ZBTB40: variants seen among roughly 807,000 people sequenced by gnomAD.
The protein encoded by ZBTB40 is zinc finger and BTB domain containing 40.
ZBTB40 carries 60 observed loss-of-function variants against 117.5 expected under a neutral mutation model. The ratio of observed to expected loss-of-function variants is 0.51; its 90% CI spans 0.41 to 0.63. The LOEUF (loss-of-function observed/expected upper bound fraction) is 0.63. ZBTB40 is among the 30% of genes least tolerant of loss of function. ZBTB40 has a pLI of 0.00. For synonymous variants in ZBTB40, 525 were observed against 577.1 expected (o/e 0.91, Z 1.29); for missense variants, 1,287 against 1,498.5 (o/e 0.86, Z 2.33).
chr1:22,451,535 C>T (rs556882853), upstream of ZBTB40, among the ~76,000 whole-genome samples: 2 of 151,938 alleles, frequency 1.3e-5, no homozygotes, highest in South Asian at 4.1e-4. Flanking sequence ...ATCCCAGCTA[C>T]TCGGGAGGCT....
chr1:22,469,921 A>G (rs969313010), intron 1 of ZBTB40, among the ~76,000 whole-genome samples: 17 of 152,196 alleles, frequency 1.1e-4, no homozygotes, highest in Admixed American at 3.3e-4. Context: ...TGACTTAAAG[A>G]TAGTTATTTT....
chr1:22,490,370 C>G lies in ZBTB40; in HGVS notation c.422C>G (p.Pro141Arg), dbSNP rs1173694206. 5 of 1,614,064 alleles carry G rather than the reference C, an allele frequency of 3.1e-6. No homozygotes were observed. Among genetic ancestry groups the G allele is most frequent in the Middle Eastern group, 3.3e-4 (2 of 6,062 alleles). ...APSSETFRKE[P>R]EKPQVEILSS... ...TCCTCAGAGACATTCAGAAAGGAAC[C>G]AGAGAAGCCTCAAGTAGAAATCCTT... The change falls in exon 2 of 18, where the codon CCA becomes CGA. Residue 141 changes from proline (P) to arginine (R), a missense_variant. By Grantham distance (103) the Pro-to-Arg change is moderately radical. This residue lies in a region of ZBTB40 where 870 missense variants were observed against 934.4 expected (regional missense o/e 0.93). Coordinates refer to ENST00000375647, the MANE Select transcript of ZBTB40 (RefSeq NM_014870.4).
At chr1:22,521,073 G>T (rs1328141441) in intron 14 of ZBTB40, among the ~76,000 whole-genome samples, 1 of 152,232 alleles carries the variant, frequency 6.6e-6, no homozygotes, top group East Asian at 1.9e-4. Flanking sequence ...CCAGCTCCCT[G>T]GGAAGCCGTG....
chr1:22,467,106 T>G (rs1156343628), intron 1 of ZBTB40, among the ~76,000 whole-genome samples: 3 of 152,200 alleles, frequency 2.0e-5, no homozygotes, highest in Non-Finnish European at 2.9e-5. Context: ...ATAGTGTACA[T>G]AAATATTTCA....
At chr1:22,459,869 G>T (rs185212121) in intron 1 of ZBTB40, among the ~76,000 whole-genome samples, 9 of 152,208 alleles carry the variant, frequency 5.9e-5, no homozygotes, top group South Asian at 2.1e-4. Context: ...AGCTACTTTG[G>T]TGATTTTTCA....
rs1024112582 is a variant in ZBTB40 at position 22,513,923 on chromosome 1, T to C, written c.2668+793T>C. Among the ~76,000 whole-genome samples the C allele has an allele frequency of 2.0e-5, 3 of 152,212 alleles. No individual in the cohort carries two copies. The highest frequency in any genetic ancestry group is 7.2e-5 in the African/African-American group (3 of 41,456). On this transcript the variant is annotated intron_variant, in intron 12 of 17. Transcript: ENST00000375647. This position sits in a 1 kb window ranked among gnomAD's most constrained non-coding sequence, Gnocchi z 4.9. Reference sequence around the variant, plus strand: ...AATTTACATAAAATTATTTGAGCTTTGAAGTCGAGTTCAAGCATGAGAAGG... The same window carrying C: ...AATTTACATAAAATTATTTGAGCTTCGAAGTCGAGTTCAAGCATGAGAAGG...
At chr1:22,431,378 G>GTATATA (rs1395264458) in intron 1 of ZBTB40, among the ~76,000 whole-genome samples, 12 of 17,324 alleles carry the variant, frequency 6.9e-4, no homozygotes, top group African/African-American at 1.2e-3. Context: ...GTGTGTGTGT[G>GTATATA]TGTGTGTATA....
intron 1 of ZBTB40, among the ~76,000 whole-genome samples, chr1:22,461,235 A>G (rs1641124839): frequency 6.6e-6 from 1 of 152,048 alleles, no homozygotes; most frequent in Non-Finnish European, 1.5e-5. Context: ...CTCTGCTGTC[A>G]GTTCTCCTCA....
At chr1:22,525,319 A>G (rs939675374) in intron 17 of ZBTB40, among the ~76,000 whole-genome samples, 117 of 152,320 alleles carry the variant, frequency 7.7e-4, no homozygotes, top group African/African-American at 2.5e-3. Context: ...GAAAACTACT[A>G]TCCTGGATCA....
intron 12 of ZBTB40, among the ~76,000 whole-genome samples, chr1:22,514,361 A>G (rs564337318): frequency 1.3e-5 from 2 of 152,334 alleles, no homozygotes; most frequent in Non-Finnish European, 2.9e-5. Context: ...AAATTCTTCA[A>G]TGGCTTTTTG....
At chr1:22,466,325 G>A (rs1234955399) in intron 1 of ZBTB40, among the ~76,000 whole-genome samples, 1 of 152,166 alleles carries the variant, frequency 6.6e-6, no homozygotes, top group Non-Finnish European at 1.5e-5. Flanking sequence ...TGGCCGTTAG[G>A]CTTAATGCTC....
At position 22,497,263 on chromosome 1, in the gene ZBTB40, A is replaced by G. The variant is rs186504140; in HGVS notation, c.832-4229A>G. Among the ~76,000 whole-genome samples, 160 of 152,306 alleles carry G rather than the reference A, an allele frequency of 1.1e-3. 1 individual carries two copies. The highest frequency in any genetic ancestry group is 3.5e-3 in the African/African-American group (146 of 41,556). ...AGAAGACTCCCAAAGCTGAAGACCT[A>G]GTAGCATTTTTTTCTCCTTCAACTT... On this transcript the variant is annotated intron_variant, in intron 3 of 17. Coordinates refer to ENST00000375647, the MANE Select transcript of ZBTB40 (RefSeq NM_014870.4).
chr1:22,451,808 T>A (rs1640876028), upstream of ZBTB40: 1 of 152,290 alleles, frequency 6.6e-6, no homozygotes, highest in Non-Finnish European at 1.5e-5. Flanking sequence ...CCCCAGCACG[T>A]GACCGCGGCG....
At chr1:22,462,784 C>G (rs1287711720) in intron 1 of ZBTB40, among the ~76,000 whole-genome samples, 1 of 152,220 alleles carries the variant, frequency 6.6e-6, no homozygotes, top group Non-Finnish European at 1.5e-5. Context: ...TCCCCACTTT[C>G]TCTCTTTCCT....
Position 22,529,630 on chromosome 1 carries a change from A to G in ZBTB40, c.*3234A>G, listed in dbSNP as rs1321548540. The stretch of plus-strand genomic sequence containing the variant: ...AGGGACCAGGGGTCTTTACTCATTT[A>G]TTTTATGGGTAAAGAGACATGAAGA... On this transcript the variant is annotated 3_prime_UTR_variant, in exon 18 of 18. Transcript: ENST00000375647. 6.6e-6 allele frequency: 1 copy of G among 152,222 alleles called. No individual in the cohort carries two copies. Among genetic ancestry groups the G allele is most frequent in the Non-Finnish European group, 1.5e-5 (1 of 68,014 alleles). 9.4% of individuals were successfully genotyped at this position (152,222 alleles called of 1,614,324 possible).
intron 3 of ZBTB40, among the ~76,000 whole-genome samples, chr1:22,492,275 A>G (rs918521825): frequency 2.0e-5 from 3 of 152,196 alleles, no homozygotes; most frequent in African/African-American, 4.8e-5. Flanking sequence ...GCATATATAT[A>G]TAAGTGCTTA....
rs143016431 is a variant in ZBTB40, at chr1:22,508,581, C to T, written c.1549C>T (p.Leu517=). The change falls in exon 8 of 18, where the codon CTG becomes TTG. Residue 517 remains leucine (L), a synonymous_variant. Coordinates refer to ENST00000375647, the MANE Select transcript of ZBTB40 (RefSeq NM_014870.4). ...RDSGSGGFNS[L]ISAVLEKQTL... is the part of the protein sequence containing the mutation. ...CTCTGGTTCAGGTGGTTTCAATTCT[C>T]TGATATCAGCAGTTCTAGAAAAGCA... 6.2e-6 allele frequency: 10 copies of T among 1,614,208 alleles called. No homozygotes were observed. In the African/African-American group the frequency reaches 1.3e-4, roughly 22 times the overall value.
chr1:22,455,433 C>T (rs541902923), intron 1 of ZBTB40, among the ~76,000 whole-genome samples: 5 of 152,258 alleles, frequency 3.3e-5, no homozygotes, highest in South Asian at 2.1e-4. Flanking sequence ...TGGCAGGTTT[C>T]GCTTTAAACT....
chr1:22,484,294 C>T (rs766644330), intron 1 of ZBTB40, among the ~76,000 whole-genome samples: 3 of 152,130 alleles, frequency 2.0e-5, no homozygotes, highest in Admixed American at 6.5e-5. Context: ...CATGGGATAT[C>T]TCTCCATTTT....
Sources: gnomAD v4.1 joint callset for allele counts (sites outside exome capture counted in the v4.1 genomes callset) on GRCh38, gnomAD v4.1.1 for gene constraint, gnomAD v4.1.1 regional missense constraint, Gnocchi (gnomAD v3.1) non-coding constraint, MANE v1.5 for transcripts, NCBI Gene and HGNC (gene_info 2026-07-23, HGNC 2026-07-21) for gene names.